KIF26B: variants seen among roughly 807,000 people sequenced by gnomAD.
The protein encoded by KIF26B is kinesin-like protein KIF26B.
Under a neutral mutation model 151.2 loss-of-function variants are expected in KIF26B, and 63 were observed. That is an observed-to-expected ratio of 0.42 (90% CI 0.34 to 0.51). The LOEUF is 0.51. Ranked by LOEUF, KIF26B falls within the 20% of genes least tolerant of loss-of-function variation. The pLI is 0.07. For missense variants in KIF26B, 2,813 were observed against 2,913.6 expected (o/e 0.97, Z 0.79); for synonymous variants, 1,357 against 1,262.1 (o/e 1.08, Z -1.59).
At position 245,540,941 on chromosome 1, in the gene KIF26B, G is replaced by C. The variant is rs760738222; in HGVS notation, c.1341G>C (p.Gly447=). 1.2e-6 allele frequency: 2 copies of C among 1,612,950 alleles called. No homozygotes were observed. The highest frequency in any genetic ancestry group is 4.5e-5 in the East Asian group (2 of 44,864). The part of the protein sequence containing the change: ...RAVNKVKDTP[G]LGKVKVMLRI... ...TCAACAAGGTGAAGGACACCCCGGG[G>C]CTGGGCAAGGTAGGACCATCCGCCG... is the stretch of plus-strand genomic sequence containing the variant. Residue 447 remains glycine (G), a synonymous_variant, in exon 5 of 15, where the codon GGG becomes GGC. Transcript: ENST00000407071. The surrounding 1 kb of genome is among the most constrained non-coding windows in gnomAD (Gnocchi z 4.6).
At chr1:245,549,422 A>G (rs1301046068) in intron 5 of KIF26B, among the ~76,000 whole-genome samples, 2 of 152,224 alleles carry the variant, frequency 1.3e-5, no homozygotes, top group East Asian at 3.9e-4. Context: ...AGTTAAGCTC[A>G]GCACAATTAG....
At chr1:245,372,000 C>T (rs1220380978) in intron 3 of KIF26B, among the ~76,000 whole-genome samples, 2 of 150,026 alleles carry the variant, frequency 1.3e-5, no homozygotes, top group Non-Finnish European at 3.0e-5. Flanking sequence ...TATACACACA[C>T]AGAGAAAGCA....
chr1:245,513,855 C>A (rs368131557), intron 4 of KIF26B, among the ~76,000 whole-genome samples: 1 of 152,174 alleles, frequency 6.6e-6, no homozygotes, highest in South Asian at 2.1e-4. Context: ...AGTGTTACAT[C>A]GGCCCACATT....
At chr1:245,334,666 A>C (rs1672186137) in intron 2 of KIF26B, among the ~76,000 whole-genome samples, 1 of 152,226 alleles carries the variant, frequency 6.6e-6, no homozygotes, top group African/African-American at 2.4e-5. Flanking sequence ...TGCGGGGCAG[A>C]CAAAGGAACA....
Position 245,256,556 on chromosome 1 carries a change from C to T in KIF26B, c.465+99873C>T, listed in dbSNP as rs538067712. 3.3e-5 allele frequency among the ~76,000 whole-genome samples: 5 copies of T among 152,232 alleles called. No homozygotes were observed. The South Asian group carries it at 6.2e-4, about 19-fold the overall frequency. On this transcript the variant is annotated intron_variant, in intron 2 of 14. Transcript: ENST00000407071. ...GAGAGTTGGTTGACTTTTTGTAAGACCCAGGTGGGTATAAACCAACAATAA... is the reference window on the plus strand; with the variant it reads ...GAGAGTTGGTTGACTTTTTGTAAGATCCAGGTGGGTATAAACCAACAATAA...
At chr1:245,253,503 C>G (rs1472451684) in intron 2 of KIF26B, among the ~76,000 whole-genome samples, 1 of 152,026 alleles carries the variant, frequency 6.6e-6, no homozygotes, top group Non-Finnish European at 1.5e-5. Flanking sequence ...TCTTTTCTTG[C>G]ACTCCCTTCA....
intron 9 of KIF26B, among the ~76,000 whole-genome samples, chr1:245,642,435 C>T (rs1226323639): frequency 6.6e-6 from 1 of 151,902 alleles, no homozygotes; most frequent in Non-Finnish European, 1.5e-5. Flanking sequence ...TGGCCGGGTG[C>T]CTGTAGTCCT....
intron 5 of KIF26B, among the ~76,000 whole-genome samples, chr1:245,557,974 C>T (rs373050701): frequency 1.6e-4 from 25 of 152,268 alleles, no homozygotes; most frequent in Non-Finnish European, 3.2e-4. Flanking sequence ...ATACTGCGAA[C>T]GCCCTTGATT....
chr1:245,550,219 TAAGC>T (rs1661845702), intron 5 of KIF26B, among the ~76,000 whole-genome samples: 1 of 152,232 alleles, frequency 6.6e-6, no homozygotes, highest in South Asian at 2.1e-4. Flanking sequence ...TGAGATCTGT[TAAGC>T]AACAACAGTG....
At chr1:245,313,752 C>T (rs1213402926) in intron 2 of KIF26B, among the ~76,000 whole-genome samples, 1 of 152,204 alleles carries the variant, frequency 6.6e-6, no homozygotes, top group Non-Finnish European at 1.5e-5. Context: ...TCCTAAGTCT[C>T]TGCACATGAT....
chr1:245,690,792 A>C (rs2044614940), intron 12 of KIF26B, among the ~76,000 whole-genome samples: 1 of 147,228 alleles, frequency 6.8e-6, no homozygotes, highest in African/African-American at 2.5e-5. Context: ...GCTTTACTTC[A>C]CCCCTCAATC....
chr1:245,365,669 G>A (rs1672931799), intron 2 of KIF26B, among the ~76,000 whole-genome samples: 1 of 152,150 alleles, frequency 6.6e-6, no homozygotes, highest in Non-Finnish European at 1.5e-5. Flanking sequence ...TACCTGCAAC[G>A]ACTGTTGAGC....
chr1:245,657,712 C>A (rs149058602), intron 10 of KIF26B, among the ~76,000 whole-genome samples: 3 of 152,176 alleles, frequency 2.0e-5, no homozygotes, highest in Non-Finnish European at 4.4e-5. Flanking sequence ...CTTCCAGCGG[C>A]TGTTCATTCA....
At chr1:245,649,402 CG>C (rs2043989592) in intron 10 of KIF26B, among the ~76,000 whole-genome samples, 1 of 152,150 alleles carries the variant, frequency 6.6e-6, no homozygotes, top group Non-Finnish European at 1.5e-5. Flanking sequence ...CCCGAAATGT[CG>C]GAGCTGCCTT....
chr1:245,426,850 G>A (rs1375227357), intron 4 of KIF26B, among the ~76,000 whole-genome samples: 1 of 152,172 alleles, frequency 6.6e-6, no homozygotes, highest in African/African-American at 2.4e-5. Context: ...CATTATTGCC[G>A]CACTCTCGCT....
intron 3 of KIF26B, among the ~76,000 whole-genome samples, chr1:245,407,407 C>T (rs10924191): frequency 0.23 from 34,929 of 151,984 alleles, 6,254 homozygotes; most frequent in African/African-American, 0.49. Context: ...TCCCCGCTTC[C>T]CATCTCTTTG....
At chr1:245,639,243 T>C (rs889910080) in intron 9 of KIF26B, among the ~76,000 whole-genome samples, 2 of 151,914 alleles carry the variant, frequency 1.3e-5, no homozygotes, top group African/African-American at 4.8e-5. Context: ...TTTCCTAGAT[T>C]TTCCAATTTA....
chr1:245,168,328 C>T (rs1337628782), intron 2 of KIF26B, among the ~76,000 whole-genome samples: 1 of 152,196 alleles, frequency 6.6e-6, no homozygotes, highest in South Asian at 2.1e-4. Flanking sequence ...GCGGAGGGGC[C>T]GGTAGCGCCG....
At chr1:245,289,593 A>G (rs1407507551) in intron 2 of KIF26B, among the ~76,000 whole-genome samples, 2 of 152,138 alleles carry the variant, frequency 1.3e-5, no homozygotes, top group East Asian at 1.9e-4. Context: ...TTCCCCTTGA[A>G]TAACAACAGA....
Sources: allele counts gnomAD v4.1 joint callset (sites outside exome capture counted in the v4.1 genomes callset), GRCh38; gene constraint gnomAD v4.1.1; non-coding constraint Gnocchi (gnomAD v3.1); transcripts MANE v1.5; gene names NCBI Gene and HGNC (gene_info 2026-07-23, HGNC 2026-07-21).